The following HMGXB3 variants were observed in gnomAD, a reference collection of about 807,000 sequenced individuals.
HMGXB3 encodes HMG domain-containing protein 3.
A neutral mutation model predicts 121.5 loss-of-function variants in HMGXB3; 45 were observed. That is an observed-to-expected ratio of 0.37 (90% CI 0.29 to 0.47). HMGXB3 has a LOEUF of 0.47. HMGXB3 is among the 20% of genes least tolerant of loss of function. The probability of loss-of-function intolerance (pLI) is 0.99; values close to 1 mark genes in which losing one functional copy is unlikely to be tolerated. For synonymous variants in HMGXB3, 590 were observed against 624.1 expected, an observed-to-expected ratio of 0.95 and a Z score of 0.81; for missense variants, 1,376 against 1,602.2, an observed-to-expected ratio of 0.86 and a Z score of 2.41.
Position 150,010,604 on chromosome 5 carries a change from T to C in HMGXB3, c.806T>C (p.Met269Thr). 1 of 1,549,044 alleles carries C rather than the reference T, an allele frequency of 6.5e-7. No homozygotes were observed. Among genetic ancestry groups the C allele is most frequent in the Non-Finnish European group, 8.7e-7 (1 of 1,145,758 alleles). ...GAGAGTGTATCAGTGGTAACAGTCA[T>C]GAGGGTAAGTGGCTTTGGTACTGAA... is the stretch of plus-strand genomic sequence containing the variant. ...VGESVSVVTV[M>T]RDSSESSSSA... is the part of the protein sequence containing the mutation. Residue 269 changes from methionine to threonine, a missense_variant, in exon 4 of 20, where the codon ATG (methionine) becomes ACG (threonine). Around this residue, in one of 2 missense-constraint regions of HMGXB3, gnomAD observed 1,116 missense variants for 1,369.0 expected, o/e 0.82. Coordinates refer to ENST00000502717, the MANE Select transcript of HMGXB3 (RefSeq NM_014983.3).
chr5:150,010,083 T>C (rs1419246203), intron 3 of HMGXB3, 28 bp from the exon 4 acceptor site: 1 of 1,538,624 alleles, frequency 6.5e-7, no homozygotes, highest in Non-Finnish European at 8.8e-7. Flanking sequence ...TCTGCTTGTC[T>C]CCCCCTTCCT....
chr5:150,005,671 G>A (rs193098391), intron 2 of HMGXB3, among the ~76,000 whole-genome samples: 203 of 151,208 alleles, frequency 1.3e-3, no homozygotes, highest in Non-Finnish European at 1.8e-3. Context: ...TATCTGTACA[G>A]AATATCCAAA....
At chr5:150,005,421 GA>G (rs1755673087) in intron 2 of HMGXB3, among the ~76,000 whole-genome samples, 2 of 152,140 alleles carry the variant, frequency 1.3e-5, no homozygotes, top group African/African-American at 4.8e-5. Context: ...CCAACGTGGA[GA>G]AACCCCGTCT....
chr5:150,037,447 T>G lies in HMGXB3; in HGVS notation c.2333T>G (p.Leu778Arg). 1 of 1,551,374 alleles carries G rather than the reference T, an allele frequency of 6.4e-7. No homozygotes were observed. The highest frequency in any genetic ancestry group is 8.7e-7 in the Non-Finnish European group (1 of 1,146,738). ...TGCTGGCTGCTGACAGCCAGCCGTC[T>G]GCAGACAGTGACTGCCCAGGTGAAG... Reference protein sequence around the residue: ...QECWLLTASRLQTVTAQVKMC... With the variant: ...QECWLLTASRRQTVTAQVKMC... The change falls in exon 13 of 20, where the codon CTG (leucine) becomes CGG (arginine). Residue 778 changes from leucine to arginine, a missense_variant. By Grantham distance (102) the Leu-to-Arg change is moderately radical. Around this residue, in one of 2 missense-constraint regions of HMGXB3, gnomAD observed 1,116 missense variants for 1,369.0 expected, o/e 0.82. Transcript: ENST00000502717.
intron 6 of HMGXB3, chr5:150,021,937 C>A (rs1327607195): frequency 2.1e-6 from 1 of 476,104 alleles, no homozygotes; most frequent in African/African-American, 2.0e-5. Context: ...CAGCGGGCTT[C>A]CTGACCGACT....
intron 7 of HMGXB3, 106 bp from the exon 8 acceptor site, chr5:150,026,600 G>C: frequency 2.1e-6 from 2 of 967,336 alleles, no homozygotes; most frequent in South Asian, 3.4e-5. Context: ...AAGCTTGACA[G>C]TTTAACCCCA....
At chr5:150,013,830 A>G (rs1412973197) in intron 5 of HMGXB3, among the ~76,000 whole-genome samples, 1 of 152,336 alleles carries the variant, frequency 6.6e-6, no homozygotes, top group East Asian at 1.9e-4. Flanking sequence ...GTAATAAACA[A>G]TGTACTTATC....
intron 3 of HMGXB3, among the ~76,000 whole-genome samples, chr5:150,007,671 A>G (rs1167788580): frequency 6.6e-6 from 1 of 152,192 alleles, no homozygotes; most frequent in Non-Finnish European, 1.5e-5. Flanking sequence ...GTTTATTAAC[A>G]GTGAATCTGG....
Position 150,047,740 on chromosome 5 carries a change from G to A in HMGXB3, c.3067G>A (p.Gly1023Arg). ...HLLRQCGIPF[G>R]AEDSKDQLCF... The stretch of plus-strand genomic sequence containing the variant: ...GCTAAGGCAGTGTGGAATCCCCTTT[G>A]GGGCAGAAGACTCCAAGGTGAGTGT... The change falls in exon 17 of 20, where the codon GGG becomes AGG. Residue 1023 changes from glycine (G) to arginine (R), a missense_variant. Gly to Arg is a moderately radical substitution (Grantham distance 125). Coordinates refer to ENST00000502717, the MANE Select transcript of HMGXB3 (RefSeq NM_014983.3). 1 of 1,551,784 alleles carries A rather than the reference G, an allele frequency of 6.4e-7. No individual in the cohort carries two copies. The highest frequency in any genetic ancestry group is 8.7e-7 in the Non-Finnish European group (1 of 1,147,004).
At chr5:150,026,093 G>C (rs1265209503) in intron 7 of HMGXB3, among the ~76,000 whole-genome samples, 1 of 152,168 alleles carries the variant, frequency 6.6e-6, no homozygotes, top group East Asian at 1.9e-4. Context: ...GCCTCCCAAA[G>C]TGCTGGGATT....
At chr5:150,038,548 A>G (rs922614837) in intron 13 of HMGXB3, among the ~76,000 whole-genome samples, 1 of 152,226 alleles carries the variant, frequency 6.6e-6, no homozygotes, top group African/African-American at 2.4e-5. Flanking sequence ...CACAATCAAT[A>G]TATAGAACAG....
At chr5:150,048,122 C>T (rs1756803106) in intron 17 of HMGXB3, among the ~76,000 whole-genome samples, 1 of 152,246 alleles carries the variant, frequency 6.6e-6, no homozygotes. Context: ...GCACTTTACA[C>T]AGTGTCTGGT....
intron 11 of HMGXB3, among the ~76,000 whole-genome samples, chr5:150,034,908 G>A (rs758311225): frequency 1.3e-5 from 2 of 152,236 alleles, no homozygotes; most frequent in Admixed American, 6.5e-5. Flanking sequence ...ACAGCCTCTC[G>A]GGGCAGCTCA....
At position 150,010,197 on chromosome 5, in the gene HMGXB3, C is replaced by T. The variant is rs1755795151; in HGVS notation, c.399C>T (p.Ile133=). 1.9e-6 allele frequency: 3 copies of T among 1,551,800 alleles called. No homozygotes were observed. Among genetic ancestry groups the T allele is most frequent in the Non-Finnish European group, 1.7e-6 (2 of 1,147,008 alleles). ...KILPRSDYII[I]PKSSLQEDRS... ...TCCCACGCTCAGATTATATCATCAT[C>T]CCCAAGAGCAGCCTGCAGGAGGACC... The change falls in exon 4 of 20, where the codon ATC becomes ATT. Residue 133 remains isoleucine, a synonymous_variant. Coordinates refer to ENST00000502717, the MANE Select transcript of HMGXB3 (RefSeq NM_014983.3).
intron 16 of HMGXB3, among the ~76,000 whole-genome samples, chr5:150,046,909 G>A (rs953150808): frequency 2.7e-5 from 4 of 147,176 alleles, no homozygotes; most frequent in South Asian, 2.1e-4. Context: ...TTTTTGAGAC[G>A]GAGTCCTGCT....
intron 1 of HMGXB3, among the ~76,000 whole-genome samples, chr5:150,002,281 G>A (rs1402366014): frequency 6.6e-6 from 1 of 152,092 alleles, no homozygotes; most frequent in Non-Finnish European, 1.5e-5. Flanking sequence ...TCGCAACATT[G>A]TCAAAAGAAT....
intron 6 of HMGXB3, among the ~76,000 whole-genome samples, chr5:150,019,415 ACACT>A (rs1756034955): frequency 6.6e-6 from 1 of 152,206 alleles, no homozygotes; most frequent in African/African-American, 2.4e-5. Context: ...CCCATAGAAG[ACACT>A]CAATAAATAA....
At chr5:150,036,997 T>G in intron 12 of HMGXB3, 60 bp downstream of exon 12, 1 of 1,362,564 alleles carries the variant, frequency 7.3e-7, no homozygotes, top group South Asian at 1.5e-5. Context: ...TACTGCTCTT[T>G]TCTTCAGAAA....
chr5:150,038,898 A>G (rs1017535058), intron 13 of HMGXB3, among the ~76,000 whole-genome samples: 4 of 152,212 alleles, frequency 2.6e-5, no homozygotes, highest in African/African-American at 7.2e-5. Context: ...TAGAGCTGCT[A>G]CAAATATTTG....
Sources: gnomAD v4.1 joint callset for allele counts (sites outside exome capture counted in the v4.1 genomes callset) on GRCh38, gnomAD v4.1.1 for gene constraint, gnomAD v4.1.1 regional missense constraint, MANE v1.5 for transcripts, NCBI Gene and HGNC (gene_info 2026-07-23, HGNC 2026-07-21) for gene names.